Variants in CADM2 observed in about 807,000 individuals in gnomAD.
CADM2 encodes cell adhesion molecule 2, also known as immunoglobulin superfamily member 4D.
CADM2 carries 12 observed loss-of-function variants against 49.8 expected under a neutral mutation model. That is an observed-to-expected ratio of 0.24 (90% CI 0.15 to 0.39). The LOEUF (loss-of-function observed/expected upper bound fraction) is 0.39, where lower values mean the gene tolerates loss of function less well. CADM2 is among the 10% of genes least tolerant of loss of function. The pLI is 1.00. For missense variants in CADM2, 378 were observed against 492.3 expected, an observed-to-expected ratio of 0.77 and a Z score of 2.20; for synonymous variants, 214 against 175.4, an observed-to-expected ratio of 1.22 and a Z score of -1.74.
chr3:85,733,580 G>T (rs1327001177), intron 2 of CADM2, among the ~76,000 whole-genome samples: 1 of 152,042 alleles, frequency 6.6e-6, no homozygotes, highest in African/African-American at 2.4e-5. Flanking sequence ...TTTAATGGAG[G>T]TGCATTTTCT....
At chr3:85,981,554 T>C (rs1193545261) in intron 8 of CADM2, among the ~76,000 whole-genome samples, 1 of 151,662 alleles carries the variant, frequency 6.6e-6, no homozygotes, top group Non-Finnish European at 1.5e-5. Flanking sequence ...TTCCCATCCT[T>C]GTGTCCATGT....
intron 1 of CADM2, among the ~76,000 whole-genome samples, chr3:85,254,109 C>T (rs916736220): frequency 6.6e-6 from 1 of 152,160 alleles, no homozygotes; most frequent in African/African-American, 2.4e-5. Flanking sequence ...TTCTTATAAC[C>T]CTTTCACTGG....
chr3:85,207,852 T>A (rs866145017), intron 1 of CADM2, among the ~76,000 whole-genome samples: 9 of 152,264 alleles, frequency 5.9e-5, no homozygotes, highest in East Asian at 1.9e-4. Flanking sequence ...TGAAAGGAGT[T>A]TTTTTGTTTT....
intron 3 of CADM2, among the ~76,000 whole-genome samples, chr3:85,857,489 T>G (rs1309390296): frequency 6.7e-6 from 1 of 149,454 alleles, no homozygotes; most frequent in Non-Finnish European, 1.5e-5. Context: ...ATTTGTTTAT[T>G]TATTTAGAGA....
chr3:85,321,161 T>A (rs2044602582), intron 1 of CADM2, among the ~76,000 whole-genome samples: 1 of 72,364 alleles, frequency 1.4e-5, no homozygotes, highest in Admixed American at 2.6e-4. Context: ...TTTTTTTTTT[T>A]TTTTTGCGAG....
At chr3:85,885,680 C>CAAA (rs1230774557) in intron 4 of CADM2, among the ~76,000 whole-genome samples, 24 of 86,574 alleles carry the variant, frequency 2.8e-4, no homozygotes, top group East Asian at 3.5e-4. Context: ...GACTCTATCT[C>CAAA]AAAAAAAAAA....
At chr3:85,754,713 TA>T (rs77019957) in intron 2 of CADM2, among the ~76,000 whole-genome samples, 7,796 of 152,170 alleles carry the variant, frequency 0.051, 342 homozygotes, top group East Asian at 0.19. Context: ...AAAACAATAA[TA>T]ATAAAAGCCA....
intron 1 of CADM2, among the ~76,000 whole-genome samples, chr3:85,693,962 T>C (rs1438550858): frequency 6.6e-5 from 10 of 151,706 alleles, no homozygotes; most frequent in East Asian, 5.8e-4. Flanking sequence ...ATAATACATG[T>C]ATATTTTTTG....
At chr3:85,478,643 G>A (rs961682280) in intron 1 of CADM2, among the ~76,000 whole-genome samples, 1 of 151,886 alleles carries the variant, frequency 6.6e-6, no homozygotes, top group African/African-American at 2.4e-5. Context: ...AGTTTAATAA[G>A]GGATGAGCCT....
At chr3:86,065,813 T>C in intron 9 of CADM2, 83 bp downstream of exon 9, 2 of 1,366,268 alleles carry the variant, frequency 1.5e-6, no homozygotes, top group Non-Finnish European at 2.0e-6. Context: ...TCAGTGCATA[T>C]ATGTTTCTGT....
Position 85,642,980 on chromosome 3 carries a change from T to G in CADM2, c.62-83542T>G, listed in dbSNP as rs2064767315. On this transcript the variant is annotated intron_variant, in intron 1 of 9. Coordinates refer to ENST00000383699, the MANE Select transcript of CADM2 (RefSeq NM_001167675.2). ...TTGAATTTAAATGACTGTGACATTATTTTTCATACCTTGGCAAATTTTGCA... is the reference window on the plus strand; with the variant it reads ...TTGAATTTAAATGACTGTGACATTAGTTTTCATACCTTGGCAAATTTTGCA... 2.0e-5 allele frequency among the ~76,000 whole-genome samples: 3 copies of G among 152,314 alleles called. No homozygotes were observed. In the South Asian group the frequency reaches 6.2e-4, roughly 32 times the overall value.
chr3:85,983,495 G>C (rs933059963), intron 8 of CADM2, among the ~76,000 whole-genome samples: 10 of 151,610 alleles, frequency 6.6e-5, no homozygotes, highest in Non-Finnish European at 1.0e-4. Flanking sequence ...GCACAGGTTT[G>C]ACTTGAGAGT....
intron 8 of CADM2, among the ~76,000 whole-genome samples, chr3:85,978,464 A>T (rs1043601512): frequency 6.6e-6 from 1 of 151,570 alleles, no homozygotes; most frequent in Non-Finnish European, 1.5e-5. Flanking sequence ...CTTTCAGAAT[A>T]TCGGGTGCCA....
chr3:85,798,746 A>G (rs1415647703), intron 2 of CADM2, among the ~76,000 whole-genome samples: 4 of 152,162 alleles, frequency 2.6e-5, no homozygotes, highest in South Asian at 2.1e-4. Context: ...TGTCTTGGCC[A>G]TATGGGCTCT....
At chr3:85,567,707 A>G (rs550678323) in intron 1 of CADM2, among the ~76,000 whole-genome samples, 1 of 152,278 alleles carries the variant, frequency 6.6e-6, no homozygotes, top group East Asian at 1.9e-4. Context: ...ATTGGCTCAC[A>G]CAATTATGGA....
intron 1 of CADM2, among the ~76,000 whole-genome samples, chr3:85,236,235 A>G (rs2042404624): frequency 6.6e-6 from 1 of 152,058 alleles, no homozygotes; most frequent in Admixed American, 6.6e-5. Context: ...AGGTGTTCAT[A>G]TATACATATA....
rs545288491 is a variant in CADM2 at position 85,870,426 on chromosome 3, G to A, written c.239-12865G>A. The stretch of plus-strand genomic sequence containing the variant: ...CCTCCCATCCTCCATCCTCAGGTAG[G>A]CCCTAGTGTCTGTTCCCTTCTTTGT... On this transcript the variant is annotated intron_variant, in intron 3 of 9. Transcript: ENST00000383699. Among the ~76,000 whole-genome samples, 8 of 151,830 alleles carry A rather than the reference G, an allele frequency of 5.3e-5. No homozygotes were observed. In the East Asian group the frequency reaches 1.6e-3, roughly 30 times the overall value.
chr3:85,940,050 T>TGCTCA (rs1721678997), intron 7 of CADM2, among the ~76,000 whole-genome samples: 1 of 147,748 alleles, frequency 6.8e-6, no homozygotes, highest in Admixed American at 6.8e-5. Context: ...AAAGCCTGGG[T>TGCTCA]GCTCACACCT....
chr3:85,632,592 A>G (rs62261667), intron 1 of CADM2, among the ~76,000 whole-genome samples: 50,879 of 151,882 alleles, frequency 0.33, 9,459 homozygotes, highest in East Asian at 0.64. Context: ...TCAGCTATAA[A>G]TGTAGAAATT....
Sources: allele counts gnomAD v4.1 joint callset (sites outside exome capture counted in the v4.1 genomes callset), GRCh38; gene constraint gnomAD v4.1.1; transcripts MANE v1.5; gene names NCBI Gene and HGNC (gene_info 2026-07-23, HGNC 2026-07-21).